Variants in C2CD2 observed in about 807,000 individuals in gnomAD.
C2CD2 encodes C2 calcium dependent domain containing 2, also known as C2 domain-containing protein 2.
Under a neutral mutation model 74.3 loss-of-function variants are expected in C2CD2, and 43 were observed. The ratio of observed to expected loss-of-function variants is 0.58; its 90% confidence interval spans 0.45 to 0.75. C2CD2 has a LOEUF of 0.75. C2CD2 is among the 30% of genes least tolerant of loss of function. The pLI is 0.00. For missense variants in C2CD2, 801 were observed against 916.3 expected (o/e 0.87, Z 1.63); for synonymous variants, 422 against 390.7 (o/e 1.08, Z -0.94).
At chr21:41,907,897 C>T (rs2064983243) in intron 8 of C2CD2, 113 bp from the exon 9 acceptor site, 1 of 1,093,756 alleles carries the variant, frequency 9.1e-7, no homozygotes, top group African/African-American at 1.6e-5. Flanking sequence ...TGCATCCAGC[C>T]CACGGGGAAG....
intron 11 of C2CD2, among the ~76,000 whole-genome samples, chr21:41,905,247 G>A (rs1174101105): frequency 6.6e-6 from 1 of 151,528 alleles, no homozygotes; most frequent in African/African-American, 2.4e-5. Context: ...TGATCAATTT[G>A]GAGTTCCCTT....
intron 11 of C2CD2, among the ~76,000 whole-genome samples, chr21:41,905,387 G>T (rs973428660): frequency 4.1e-5 from 6 of 147,814 alleles, no homozygotes; most frequent in Non-Finnish European, 7.4e-5. Flanking sequence ...GTGCAATCTC[G>T]GCTCACTGCA....
At chr21:41,953,346 C>G in intron 1 of C2CD2, 24 bp downstream of exon 1, 1 of 1,382,242 alleles carries the variant, frequency 7.2e-7, no homozygotes, top group African/African-American at 1.5e-5. Context: ...TGCCGCCCCC[C>G]GGCCCGCAGT....
intron 1 of C2CD2, among the ~76,000 whole-genome samples, chr21:41,946,454 T>A (rs922410472): frequency 1.3e-5 from 2 of 152,120 alleles, no homozygotes; most frequent in Non-Finnish European, 2.9e-5. Context: ...GATCTGGTTG[T>A]TTAAAAGTGT....
intron 1 of C2CD2, among the ~76,000 whole-genome samples, chr21:41,943,686 G>A (rs796305663): frequency 6.6e-6 from 1 of 152,332 alleles, no homozygotes; most frequent in Non-Finnish European, 1.5e-5. Flanking sequence ...CAAGCATGGT[G>A]CAAGTGAGCA....
intron 2 of C2CD2, 133 bp from the exon 3 acceptor site, chr21:41,922,218 G>A (rs1601585530): frequency 1.6e-6 from 1 of 607,956 alleles, no homozygotes; most frequent in East Asian, 2.8e-5. Flanking sequence ...GAGTGCAGTG[G>A]CGCGATCTCA....
At chr21:41,937,836 G>A (rs1347905713) in intron 2 of C2CD2, among the ~76,000 whole-genome samples, 1 of 152,156 alleles carries the variant, frequency 6.6e-6, no homozygotes, top group Non-Finnish European at 1.5e-5. Context: ...ATTATGTTAA[G>A]GGAAATAAAT....
intron 1 of C2CD2, among the ~76,000 whole-genome samples, chr21:41,948,202 G>C (rs2065417845): frequency 6.6e-6 from 1 of 152,348 alleles, no homozygotes; most frequent in East Asian, 1.9e-4. Flanking sequence ...GAGTCCAGAT[G>C]GGGGAATGGG....
In C2CD2 at chr21:41,943,008, T is replaced by C. The variant is rs1030060240; in HGVS notation, c.280-763A>G. 3.8e-5 allele frequency: 36 copies of C among 948,760 alleles called. No individual in the cohort carries two copies. The East Asian group carries it at 2.4e-3, about 64-fold the overall frequency. 58.8% of individuals were successfully genotyped at this position (948,760 alleles called of 1,614,324 possible). On this transcript the variant is annotated intron_variant, in intron 1 of 13. Coordinates refer to ENST00000380486, the MANE Select transcript of C2CD2 (RefSeq NM_015500.2). ...CTGTTCTGGTTCTTCCAGTTAAAAA[T>C]CTCCAAGCAAAGCCAGGCATGGTGG... is the stretch of plus-strand genomic sequence containing the variant.
intron 2 of C2CD2, among the ~76,000 whole-genome samples, chr21:41,933,348 T>C (rs2065279391): frequency 7.5e-6 from 1 of 133,536 alleles, no homozygotes; most frequent in South Asian, 2.4e-4. Flanking sequence ...TTGGAGACCA[T>C]GGGGGTGTGT....
intron 11 of C2CD2, among the ~76,000 whole-genome samples, chr21:41,905,132 A>G (rs2146161558): frequency 6.6e-6 from 1 of 152,258 alleles, no homozygotes; most frequent in South Asian, 2.1e-4. Flanking sequence ...GTTGTGCAAG[A>G]GAAAAATGAA....
intron 1 of C2CD2, among the ~76,000 whole-genome samples, chr21:41,944,308 C>T (rs973670185): frequency 2.0e-5 from 3 of 151,944 alleles, no homozygotes; most frequent in Admixed American, 1.3e-4. Flanking sequence ...GTCAGGCGAT[C>T]GAGACCATCC....
chr21:41,941,794 C>A (rs555207705), intron 2 of C2CD2, among the ~76,000 whole-genome samples: 3 of 152,192 alleles, frequency 2.0e-5, no homozygotes, highest in Non-Finnish European at 4.4e-5. Flanking sequence ...CTTGGCAACA[C>A]GAATCTCCTT....
chr21:41,900,284 A>ATC (rs2064878966), intron 12 of C2CD2, among the ~76,000 whole-genome samples: 2 of 146,612 alleles, frequency 1.4e-5, no homozygotes, highest in South Asian at 4.4e-4. Flanking sequence ...AAAAAAATAA[A>ATC]ATAAAATAAA....
Position 41,926,406 on chromosome 21 carries a change from T to G in C2CD2, c.379-4321A>C. ...GAAAGGCCAAGGGGGGACTCACGGTTGGCAGGTGAGGGTTTGGGTCGGGGA... is the reference window on the plus strand; with the variant it reads ...GAAAGGCCAAGGGGGGACTCACGGTGGGCAGGTGAGGGTTTGGGTCGGGGA... On this transcript the variant is annotated intron_variant, in intron 2 of 13. Transcript: ENST00000380486. The surrounding 1 kb of genome is among the most constrained non-coding windows in gnomAD (Gnocchi z 8.0). 1 of 983,338 alleles carries G rather than the reference T, an allele frequency of 1.0e-6. No individual in the cohort carries two copies. Among genetic ancestry groups the G allele is most frequent in the Non-Finnish European group, 1.2e-6 (1 of 828,200 alleles). 60.9% of individuals were successfully genotyped at this position (983,338 alleles called of 1,614,324 possible).
chr21:41,926,453 C>T lies in C2CD2; in HGVS notation c.379-4368G>A. On this transcript the variant is annotated intron_variant, in intron 2 of 13. Transcript: ENST00000380486. This position sits in a 1 kb window ranked among gnomAD's most constrained non-coding sequence, Gnocchi z 8.0. ...GGGAGCCCTGGGCAGCAGATGGAAGCACCACGGGGAGGGGAAAACAAGACT... is the reference window on the plus strand; with the variant it reads ...GGGAGCCCTGGGCAGCAGATGGAAGTACCACGGGGAGGGGAAAACAAGACT... 1.0e-6 allele frequency: 1 copy of T among 961,296 alleles called. No individual in the cohort carries two copies. The highest frequency in any genetic ancestry group is 1.2e-6 in the Non-Finnish European group (1 of 808,186). The allele number at this position is 961,296 out of a possible 1,614,324, so 59.5% of individuals were successfully genotyped here.
Position 41,907,175 on chromosome 21 carries a change from A to G in C2CD2, c.1144-9T>C, listed in dbSNP as rs762913136. ...GGTTCCATGTAAGAGAACTGCAGAGAAGACGCGTTACTTGTTTCTGGTTTT... is the reference window on the plus strand; with the variant it reads ...GGTTCCATGTAAGAGAACTGCAGAGGAGACGCGTTACTTGTTTCTGGTTTT... On this transcript the variant is annotated splice_polypyrimidine_tract_variant and intron_variant, in intron 9 of 13. Transcript: ENST00000380486. The G allele has an allele frequency of 1.9e-6, 3 of 1,613,128 alleles. No homozygotes were observed. The highest frequency in any genetic ancestry group is 2.5e-6 in the Non-Finnish European group (3 of 1,179,060).
intron 13 of C2CD2, among the ~76,000 whole-genome samples, chr21:41,898,117 G>A (rs1193761219): frequency 2.0e-5 from 3 of 152,190 alleles, no homozygotes; most frequent in African/African-American, 7.2e-5. Flanking sequence ...TCGATTTCCC[G>A]ACACAGATGG....
intron 1 of C2CD2, among the ~76,000 whole-genome samples, chr21:41,948,757 A>G (rs915775818): frequency 6.6e-6 from 1 of 151,946 alleles, no homozygotes; most frequent in African/African-American, 2.4e-5. Flanking sequence ...CTGGAAGGTC[A>G]TTATATAATG....
Sources: allele counts gnomAD v4.1 joint callset (sites outside exome capture counted in the v4.1 genomes callset), GRCh38; gene constraint gnomAD v4.1.1; non-coding constraint Gnocchi (gnomAD v3.1); transcripts MANE v1.5; gene names NCBI Gene and HGNC (gene_info 2026-07-23, HGNC 2026-07-21).